The following DNAJC27 variants were observed in gnomAD, a reference collection of about 807,000 sequenced individuals.
DNAJC27 encodes DnaJ heat shock protein family (Hsp40) member C27.
A neutral mutation model predicts 31.4 loss-of-function variants in DNAJC27; 25 were observed. The observed-to-expected ratio is 0.80, with a 90% CI of 0.58 to 1.11. The LOEUF (loss-of-function observed/expected upper bound fraction) is 1.11, where lower values mean the gene tolerates loss of function less well. DNAJC27 is among the 50% of genes most tolerant of loss of function. The pLI is 0.00. For missense variants in DNAJC27, 356 were observed against 347.3 expected (o/e 1.02, Z -0.20); for synonymous variants, 106 against 112.7 (o/e 0.94, Z 0.37).
intron 4 of DNAJC27, among the ~76,000 whole-genome samples, chr2:24,957,437 T>C (rs1042766562): frequency 3.9e-5 from 6 of 152,310 alleles, no homozygotes; most frequent in East Asian, 3.9e-4. Context: ...TCTGTGAAAG[T>C]TGGCTTCATG....
At chr2:24,955,707 ATT>A (rs1665889082) in intron 5 of DNAJC27, among the ~76,000 whole-genome samples, 1 of 152,226 alleles carries the variant, frequency 6.6e-6, no homozygotes, top group Non-Finnish European at 1.5e-5. Flanking sequence ...AGGTACAGAG[ATT>A]AATAAGAGTC....
At chr2:24,959,501 C>T (rs369720452) in intron 3 of DNAJC27, among the ~76,000 whole-genome samples, 1 of 152,262 alleles carries the variant, frequency 6.6e-6, no homozygotes, top group African/African-American at 2.4e-5. Flanking sequence ...ACAGGAAACC[C>T]CTCAACTTCT....
At chr2:24,972,043 C>T (rs1195668341), upstream of DNAJC27, 1 of 630,976 alleles carries the variant, frequency 1.6e-6, no homozygotes, top group Non-Finnish European at 2.5e-6. Flanking sequence ...CCCGCCGCTG[C>T]CTGGCAGCAG....
rs747320355 is a variant in DNAJC27 at position 24,951,516 on chromosome 2, G to A, written c.567C>T (p.Gly189=). The change falls in exon 6 of 7, where the codon GGC becomes GGT. Residue 189 remains glycine (G), a synonymous_variant. Transcript: ENST00000264711. The stretch of plus-strand genomic sequence containing the variant: ...TGCTATTGGTGGTAGGGCGTTTCCC[G>A]CCATTTTCACATAAATCAACTATGG... ...YISIVDLCEN[G]GKRPTTNSSA... 2.5e-5 allele frequency: 41 copies of A among 1,612,712 alleles called. No individual in the cohort carries two copies. The highest frequency in any genetic ancestry group is 3.1e-5 in the Non-Finnish European group (37 of 1,179,360).
chr2:24,971,095 G>A (rs1411464326), intron 1 of DNAJC27, among the ~76,000 whole-genome samples: 1 of 152,180 alleles, frequency 6.6e-6, no homozygotes. Context: ...CAAAAGGAAA[G>A]AATTTGAGTG....
intron 2 of DNAJC27, among the ~76,000 whole-genome samples, chr2:24,965,428 G>C (rs1239661162): frequency 6.6e-6 from 1 of 151,600 alleles, no homozygotes; most frequent in Non-Finnish European, 1.5e-5. Flanking sequence ...GCTAATTTTT[G>C]TATTTTTAGT....
chr2:24,950,678 C>T (rs771880909), intron 6 of DNAJC27, among the ~76,000 whole-genome samples: 6 of 152,038 alleles, frequency 3.9e-5, no homozygotes, highest in Non-Finnish European at 8.8e-5. Flanking sequence ...AAAACCCCAT[C>T]TCTACTAAAC....
At chr2:24,957,588 C>T (rs1665938133) in intron 4 of DNAJC27, among the ~76,000 whole-genome samples, 1 of 151,048 alleles carries the variant, frequency 6.6e-6, no homozygotes, top group African/African-American at 2.5e-5. Context: ...CAACATCCTT[C>T]CCCATGTATG....
At chr2:24,959,320 TTTCG>T (rs1033756203) in intron 3 of DNAJC27, among the ~76,000 whole-genome samples, 4 of 152,200 alleles carry the variant, frequency 2.6e-5, no homozygotes, top group African/African-American at 7.2e-5. Context: ...GCCTTCTTCC[TTTCG>T]TTTTGAATCC....
chr2:24,954,434 A>G (rs1665856447), intron 5 of DNAJC27, among the ~76,000 whole-genome samples: 1 of 152,194 alleles, frequency 6.6e-6, no homozygotes, highest in Non-Finnish European at 1.5e-5. Flanking sequence ...AACAAAACCT[A>G]AAACCAAGAG....
At chr2:24,958,070 G>A (rs1665951394) in intron 3 of DNAJC27, 96 bp from the exon 4 acceptor site, 1 of 1,143,432 alleles carries the variant, frequency 8.7e-7, no homozygotes, top group South Asian at 1.5e-5. Context: ...GTTCTTTTGT[G>A]TATTCTTAGT....
chr2:24,962,229 T>G (rs537425378), intron 3 of DNAJC27, among the ~76,000 whole-genome samples: 5,183 of 151,792 alleles, frequency 0.034, 82 homozygotes, highest in African/African-American at 0.059. Context: ...TTGTTTTTTT[T>G]TGTGTTTTTT....
In DNAJC27 at chr2:24,957,111, C is replaced by CA; in HGVS notation, c.459dup (p.Glu154Ter). The CA allele has an allele frequency of 1.2e-6, 2 of 1,609,680 alleles. No homozygotes were observed. Among genetic ancestry groups the CA allele is most frequent in the Non-Finnish European group, 1.7e-6 (2 of 1,178,616 alleles). On this transcript the variant is annotated frameshift_variant, in exon 5 of 7. Coordinates refer to ENST00000264711, the MANE Select transcript of DNAJC27 (RefSeq NM_016544.3). LOFTEE classifies it high-confidence loss of function. ...TCAAAGTACAGGAACCCTTTGCTTT[C>CA]AGCCCAAAGACGTCCTTCACTTTCA... is the stretch of plus-strand genomic sequence containing the variant.
intron 3 of DNAJC27, among the ~76,000 whole-genome samples, chr2:24,958,898 T>C (rs1354705874): frequency 2.0e-5 from 3 of 152,206 alleles, no homozygotes; most frequent in Admixed American, 2.0e-4. Flanking sequence ...TATATGTTCT[T>C]TTCACAAAAT....
rs549425672 is a variant in DNAJC27, at chr2:24,951,411, G to C, written c.672C>G (p.Val224=). Residue 224 remains valine (V), a synonymous_variant, in exon 6 of 7, where the codon GTC becomes GTG. Transcript: ENST00000264711. ...GCGCTTACCTTGAGGCCCCAGGTTT[G>C]ACTCCCAGCATGTCCCAACTGTCTT... ...NSKDSWDMLG[V]KPGASRDEVN... is the part of the protein sequence containing the mutation. The C allele has an allele frequency of 3.1e-6, 5 of 1,612,718 alleles. No individual in the cohort carries two copies. The South Asian group carries it at 5.5e-5, about 18-fold the overall frequency.
At chr2:24,970,862 C>A (rs959775309) in intron 1 of DNAJC27, among the ~76,000 whole-genome samples, 4 of 152,102 alleles carry the variant, frequency 2.6e-5, no homozygotes, top group African/African-American at 9.7e-5. Flanking sequence ...CGGGATCATG[C>A]TACACAGAAA....
intron 1 of DNAJC27, chr2:24,968,968 CT>C (rs756979607): frequency 3.5e-4 from 56 of 162,072 alleles, no homozygotes; most frequent in Non-Finnish European, 7.1e-4. Flanking sequence ...TCACTTCCAA[CT>C]GGGAGGGAGG....
intron 2 of DNAJC27, among the ~76,000 whole-genome samples, chr2:24,966,694 T>A (rs1419224817): frequency 6.6e-6 from 1 of 152,146 alleles, no homozygotes; most frequent in African/African-American, 2.4e-5. Context: ...CCTGACCTCG[T>A]TATCCGCCCG....
chr2:24,964,945 C>T (rs1226674286), intron 2 of DNAJC27, among the ~76,000 whole-genome samples: 1 of 152,110 alleles, frequency 6.6e-6, no homozygotes, highest in Admixed American at 6.5e-5. Flanking sequence ...CGGTGGCTCA[C>T]ACCTGTAATC....
Sources: gnomAD v4.1 joint callset for allele counts (sites outside exome capture counted in the v4.1 genomes callset) on GRCh38, gnomAD v4.1.1 for gene constraint, MANE v1.5 for transcripts, NCBI Gene and HGNC (gene_info 2026-07-23, HGNC 2026-07-21) for gene names.